DNAI7: variants seen among roughly 807,000 people sequenced by gnomAD.
DNAI7 encodes the protein cancer susceptibility 1.
DNAI7 carries 78 observed loss-of-function variants against 86.6 expected under a neutral mutation model. The observed-to-expected ratio is 0.90, with a 90% confidence interval of 0.75 to 1.09. DNAI7 has a LOEUF of 1.09. DNAI7 is among the 50% of genes least tolerant of loss of function. The probability of loss-of-function intolerance (pLI) is 0.00; values close to 1 mark genes in which losing one functional copy is unlikely to be tolerated. For synonymous variants in DNAI7, 274 were observed against 273.0 expected (o/e 1.00, Z -0.04); for missense variants, 753 against 810.2 (o/e 0.93, Z 0.86).
At chr12:25,108,123 TA>T (rs1949345804), downstream of DNAI7, 2 of 1,552,160 alleles carry the variant, frequency 1.3e-6, no homozygotes, top group Non-Finnish European at 8.8e-7. Flanking sequence ...CTTCGTAAAT[TA>T]GTAACTTTTA....
chr12:25,152,845 T>G (rs1217642163), intron 6 of DNAI7, among the ~76,000 whole-genome samples: 3 of 152,218 alleles, frequency 2.0e-5, no homozygotes, highest in Non-Finnish European at 2.9e-5. Context: ...AAACCCCACA[T>G]ACATTTGGTG....
Position 25,110,218 on chromosome 12 carries a change from G to C in DNAI7, c.1802C>G (p.Ala601Gly). ...ACTTAGTAGGGCCATCTGTCGATAA[G>C]CTTTCACTTCTACCAAAGGAACCTG... is the stretch of plus-strand genomic sequence containing the variant. ...NNKVPLVEVK[A>G]YRQMALLSSA... Residue 601 changes from alanine (A) to glycine (G), a missense_variant, in exon 15 of 16, where the codon GCT (alanine) becomes GGT (glycine). By Grantham distance (60) the Ala-to-Gly change is moderately conservative (BLOSUM62 0). Coordinates refer to ENST00000395987, the MANE Select transcript of DNAI7 (RefSeq NM_018272.5). The C allele has an allele frequency of 1.2e-6, 2 of 1,607,808 alleles. No individual in the cohort carries two copies. The highest frequency in any genetic ancestry group is 1.7e-6 in the Non-Finnish European group (2 of 1,174,430).
At chr12:25,156,178 T>A (rs1479314432) in intron 4 of DNAI7, among the ~76,000 whole-genome samples, 1 of 152,112 alleles carries the variant, frequency 6.6e-6, no homozygotes, top group African/African-American at 2.4e-5. Flanking sequence ...GAACCCTAAG[T>A]ACATGTCTTT....
chr12:25,163,849 C>A (rs1947120462), intron 2 of DNAI7, among the ~76,000 whole-genome samples: 1 of 152,242 alleles, frequency 6.6e-6, no homozygotes, highest in Admixed American at 6.5e-5. Flanking sequence ...CTTGGTGCCA[C>A]ACTTCAATCT....
At chr12:25,145,948 C>T (rs534625298) in intron 8 of DNAI7, among the ~76,000 whole-genome samples, 33 of 152,230 alleles carry the variant, frequency 2.2e-4, no homozygotes, top group Middle Eastern at 3.4e-3. Flanking sequence ...GTTTGCCGGG[C>T]GCAGTGGCTC....
chr12:25,188,404 G>A (rs7964623), intron 2 of DNAI7, among the ~76,000 whole-genome samples: 27,563 of 152,010 alleles, frequency 0.18, 2,629 homozygotes, highest in Middle Eastern at 0.24. Flanking sequence ...ATTTTTTAAT[G>A]CTATTTTAAT....
chr12:25,132,774 A>C (rs1289583116), intron 9 of DNAI7, among the ~76,000 whole-genome samples: 2 of 150,496 alleles, frequency 1.3e-5, no homozygotes, highest in African/African-American at 5.0e-5. Context: ...TATTTGGTTC[A>C]GTACATTTTT....
chr12:25,121,459 A>G (rs536619478), intron 11 of DNAI7, among the ~76,000 whole-genome samples: 1 of 152,328 alleles, frequency 6.6e-6, no homozygotes, highest in East Asian at 1.9e-4. Flanking sequence ...AAGTTTGCCA[A>G]CCTCTGATCT....
At position 25,149,497 on chromosome 12, in the gene DNAI7, T is replaced by C. The variant is rs1356968805; in HGVS notation, c.585+131A>G. ...CAGTTATTAAATCTGGATAAATATA[T>C]GTACTCTAAATTATTCTGCTAACTT... is the stretch of plus-strand genomic sequence containing the variant. On this transcript the variant is annotated intron_variant, in intron 7 of 15. Coordinates refer to ENST00000395987, the MANE Select transcript of DNAI7 (RefSeq NM_018272.5). The C allele has an allele frequency of 8.1e-6, 5 of 620,668 alleles. No homozygotes were observed. In the South Asian group the frequency reaches 8.6e-5, roughly 11 times the overall value. The allele number at this position is 620,668 out of a possible 1,614,324, so 38.4% of individuals were successfully genotyped here.
chr12:25,146,860 C>T (rs1592409824), intron 8 of DNAI7, 141 bp downstream of exon 8: 3 of 574,868 alleles, frequency 5.2e-6, no homozygotes, highest in African/African-American at 3.8e-5. Context: ...GTTTCTGATT[C>T]AACCCTTAGT....
At chr12:25,193,832 T>C (rs1433443226) in intron 1 of DNAI7, among the ~76,000 whole-genome samples, 1 of 148,676 alleles carries the variant, frequency 6.7e-6, no homozygotes, top group Non-Finnish European at 1.5e-5. Flanking sequence ...TTTTTCTCTT[T>C]TTTTTTTGAG....
At chr12:25,168,235 C>A (rs1290106078) in intron 2 of DNAI7, among the ~76,000 whole-genome samples, 2 of 152,174 alleles carry the variant, frequency 1.3e-5, no homozygotes, top group East Asian at 3.8e-4. Flanking sequence ...TCTGTGGATC[C>A]TCTACCTACA....
intron 9 of DNAI7, among the ~76,000 whole-genome samples, chr12:25,133,101 A>G (rs1481746855): frequency 6.6e-6 from 1 of 151,228 alleles, no homozygotes; most frequent in Non-Finnish European, 1.5e-5. Context: ...AAATACTTTC[A>G]TTATTTTTAT....
intron 2 of DNAI7, among the ~76,000 whole-genome samples, chr12:25,171,793 CCAGGGATG>C (rs1948171539): frequency 6.6e-6 from 1 of 152,124 alleles, no homozygotes. Context: ...GGGTTTCATA[CCAGGGATG>C]CAGGGATGGT....
chr12:25,185,642 A>C, intron 2 of DNAI7: 127 of 207,958 alleles, frequency 6.1e-4, no homozygotes, highest in Non-Finnish European at 1.0e-3. Flanking sequence ...AAATTGATTT[A>C]ATTCCCTCAT....
At chr12:25,183,439 A>G (rs1949750067) in intron 2 of DNAI7, among the ~76,000 whole-genome samples, 1 of 152,114 alleles carries the variant, frequency 6.6e-6, no homozygotes, top group Non-Finnish European at 1.5e-5. Flanking sequence ...AAAAATCCTG[A>G]TCACCACAAA....
chr12:25,108,232 TG>T (rs1181104135), downstream of DNAI7: 7 of 668,092 alleles, frequency 1.0e-5, no homozygotes, highest in African/African-American at 1.3e-4. Flanking sequence ...TAAAATACAA[TG>T]GGGAAGAAGT....
At position 25,160,657 on chromosome 12, in the gene DNAI7, G is replaced by A. The variant is rs556666210; in HGVS notation, c.106+456C>T. Among the ~76,000 whole-genome samples the A allele has an allele frequency of 9.8e-4, 149 of 152,284 alleles. 1 individual carries two copies. Among genetic ancestry groups the A allele is most frequent in the African/African-American group, 3.4e-3 (142 of 41,544 alleles). On this transcript the variant is annotated intron_variant, in intron 3 of 15. Coordinates refer to ENST00000395987, the MANE Select transcript of DNAI7 (RefSeq NM_018272.5). ...GGATAAGAACCCCTTCCCCTCCCTT[G>A]TCCAAGTGTGCACCCACCATTGCTC...
intron 8 of DNAI7, among the ~76,000 whole-genome samples, chr12:25,145,451 G>A (rs1944706015): frequency 6.6e-6 from 1 of 152,130 alleles, no homozygotes; most frequent in African/African-American, 2.4e-5. Context: ...AACCTGGGTA[G>A]TGAGTACAGA....
Sources: gnomAD v4.1 joint callset for allele counts (sites outside exome capture counted in the v4.1 genomes callset) on GRCh38, gnomAD v4.1.1 for gene constraint, MANE v1.5 for transcripts, NCBI Gene and HGNC (gene_info 2026-07-23, HGNC 2026-07-21) for gene names.